Variants in MBNL3 observed in about 807,000 individuals in gnomAD.
MBNL3 encodes muscleblind like splicing regulator 3, also known as muscleblind-like protein 3.
A neutral mutation model predicts 24.5 loss-of-function variants in MBNL3; 6 were observed. The ratio of observed to expected loss-of-function variants is 0.25; its 90% CI spans 0.13 to 0.48. The LOEUF (loss-of-function observed/expected upper bound fraction) is 0.48. Ranked by LOEUF, MBNL3 falls within the 20% of genes least tolerant of loss-of-function variation. The probability of loss-of-function intolerance (pLI) is 0.99; values close to 1 mark genes in which losing one functional copy is unlikely to be tolerated. For missense variants in MBNL3, 230 were observed against 293.5 expected (o/e 0.78, Z 1.58); for synonymous variants, 100 against 101.7 (o/e 0.98, Z 0.10).
At chrX:132,466,417 T>TC (rs1299542852) in intron 1 of MBNL3, among the ~76,000 whole-genome samples, 1 of 112,097 alleles carries the variant, frequency 8.9e-6, no homozygotes, top group Non-Finnish European at 1.9e-5. Context: ...CTCTATTAAT[T>TC]CCCCCACAAA....
chrX:132,438,876 G>T (rs553655725), intron 2 of MBNL3, among the ~76,000 whole-genome samples: 1 of 107,791 alleles, frequency 9.3e-6, no homozygotes, highest in Non-Finnish European at 1.9e-5. Flanking sequence ...GTAGCAATAC[G>T]TTTAAGTTAA....
At chrX:132,472,674 G>C (rs1947240343) in intron 1 of MBNL3, among the ~76,000 whole-genome samples, 1 of 111,821 alleles carries the variant, frequency 8.9e-6, no homozygotes, top group African/African-American at 3.2e-5. Flanking sequence ...TAATCATACA[G>C]ACACATACCC....
At position 132,488,674 on chromosome X, in the gene MBNL3, A is replaced by C. The variant is rs749891638; in HGVS notation, c.-704+177T>G. On this transcript the variant is annotated intron_variant, in intron 1 of 8. Transcript: ENST00000370853. ...AGAGGAGGAAGAGAAGGAAGAAGAA[A>C]AAGGAGGAGGAGGAAAGGAGGAGGA... Among the ~76,000 whole-genome samples, 10 of 112,807 alleles carry C rather than the reference A, an allele frequency of 8.9e-5. No homozygotes were observed. In the East Asian group the frequency reaches 1.1e-3, roughly 13 times the overall value.
chrX:132,397,973 G>T (rs1203109767), intron 3 of MBNL3, among the ~76,000 whole-genome samples: 3 of 110,994 alleles, frequency 2.7e-5, no homozygotes, highest in Non-Finnish European at 5.7e-5. Context: ...TGATAGTGGT[G>T]TTTAAGTACT....
chrX:132,382,247 A>G lies in MBNL3; in HGVS notation c.984T>C (p.Pro328=), dbSNP rs138246473. ...GTGTTGTTGCTGCAGACACAGTGGT[A>G]GGTGTAGCACCGTGCATCATGGGCA... The part of the protein sequence containing the change: ...NIVPMMHGAT[P]TTVSAATTPA... The change falls in exon 8 of 9, where the codon CCT becomes CCC. Residue 328 remains proline (P), a synonymous_variant. Transcript: ENST00000370853. The G allele has an allele frequency of 1.8e-5, 22 of 1,209,008 alleles. No homozygotes were observed. The African/African-American group carries it at 3.8e-4, about 21-fold the overall frequency.
chrX:132,413,492 C>T, intron 2 of MBNL3: 1 of 1,165,174 alleles, frequency 8.6e-7, no homozygotes, highest in Non-Finnish European at 1.1e-6. Context: ...CCTTAAGATT[C>T]TTAGAAGCCC....
intron 2 of MBNL3, chrX:132,431,083 T>C (rs1275667418): frequency 8.9e-6 from 1 of 112,023 alleles, no homozygotes; most frequent in Non-Finnish European, 1.9e-5. Flanking sequence ...TATTTTTTAT[T>C]GATAAATGAA....
At position 132,379,485 on chromosome X, in the gene MBNL3, C is replaced by T; in HGVS notation, c.*181G>A. On this transcript the variant is annotated 3_prime_UTR_variant, in exon 9 of 9. Transcript: ENST00000370853. ...TCTATTTGTGTTGTTTTAACATCTCCATTGATTTTTAATGCTTTATTTTTT... is the reference window on the plus strand; with the variant it reads ...TCTATTTGTGTTGTTTTAACATCTCTATTGATTTTTAATGCTTTATTTTTT... 1 of 404,100 alleles carries T rather than the reference C, an allele frequency of 2.5e-6. No homozygotes were observed. The highest frequency in any genetic ancestry group is 4.4e-5 in the East Asian group (1 of 22,681). The allele number at this position is 404,100 out of a possible 1,213,427, so 33.3% of individuals were successfully genotyped here. A position where few individuals can be genotyped will look rare whatever the true frequency, so the allele number is the denominator to read the frequency against.
chrX:132,480,744 G>A (rs1947684808), intron 1 of MBNL3, among the ~76,000 whole-genome samples: 1 of 111,175 alleles, frequency 9.0e-6, no homozygotes, highest in Non-Finnish European at 1.9e-5. Context: ...TTTAATGAAT[G>A]GTCCTCTCTC....
chrX:132,488,766 T>C (rs1051496916), intron 1 of MBNL3, 85 bp downstream of exon 1: 2 of 112,769 alleles, frequency 1.8e-5, no homozygotes, highest in African/African-American at 6.4e-5. Context: ...TGCTATTTTG[T>C]AAAATGAAGT....
intron 3 of MBNL3, among the ~76,000 whole-genome samples, chrX:132,396,948 T>G (rs867438725): frequency 2.5e-5 from 2 of 79,816 alleles, no homozygotes; most frequent in Non-Finnish European, 4.6e-5. Flanking sequence ...ATATATATAT[T>G]CATATATATT....
At chrX:132,469,550 G>A (rs1365478350) in intron 1 of MBNL3, among the ~76,000 whole-genome samples, 1 of 111,959 alleles carries the variant, frequency 8.9e-6, no homozygotes, top group Non-Finnish European at 1.9e-5. Context: ...AAAGAACAAA[G>A]AATAAGTGGA....
intron 3 of MBNL3, among the ~76,000 whole-genome samples, chrX:132,397,099 T>G (rs1001491053): frequency 6.7e-5 from 7 of 104,614 alleles, no homozygotes; most frequent in East Asian, 2.9e-4. Context: ...TTACTAATAT[T>G]AGGATTAGGA....
chrX:132,436,703 G>A (rs1482984241), intron 2 of MBNL3, among the ~76,000 whole-genome samples: 1 of 111,992 alleles, frequency 8.9e-6, no homozygotes, highest in African/African-American at 3.2e-5. Flanking sequence ...ATGCACATAG[G>A]TCAATTACCC....
chrX:132,489,464 T>C (rs1332858524), upstream of MBNL3, among the ~76,000 whole-genome samples: 34 of 111,207 alleles, frequency 3.1e-4, no homozygotes, highest in Admixed American at 1.4e-3. Flanking sequence ...GGCTCGCAGC[T>C]ACCATAGCAA....
chrX:132,401,177 AAG>A (rs1940848757), intron 3 of MBNL3, among the ~76,000 whole-genome samples: 1 of 112,143 alleles, frequency 8.9e-6, no homozygotes, highest in Non-Finnish European at 1.9e-5. Flanking sequence ...TTGTTAATAA[AAG>A]AGCCATGACA....
chrX:132,413,358 A>AT, intron 2 of MBNL3: 1 of 497,995 alleles, frequency 2.0e-6, no homozygotes, highest in Non-Finnish European at 3.1e-6. Context: ...GTGAAAAAAA[A>AT]TTTTTTAGTA....
chrX:132,437,981 C>T (rs1448007928), intron 2 of MBNL3: 7 of 478,383 alleles, frequency 1.5e-5, no homozygotes, highest in South Asian at 1.1e-4. Context: ...CTAGTAATCA[C>T]GAAATAAGTA....
At chrX:132,391,192 T>A in intron 4 of MBNL3, 109 bp from the exon 5 acceptor site, 1 of 530,747 alleles carries the variant, frequency 1.9e-6, no homozygotes, top group East Asian at 3.5e-5. Flanking sequence ...ATACATTGAA[T>A]ATATTATGTG....
Sources: gnomAD v4.1 joint callset for allele counts (sites outside exome capture counted in the v4.1 genomes callset) on GRCh38, gnomAD v4.1.1 for gene constraint, MANE v1.5 for transcripts, NCBI Gene and HGNC (gene_info 2026-07-23, HGNC 2026-07-21) for gene names.